Variants in ABCB5 observed in about 807,000 individuals in gnomAD.
The protein encoded by ABCB5 is ATP-binding cassette sub-family B member 5.
A neutral mutation model predicts 144.2 loss-of-function variants in ABCB5; 155 were observed. The ratio of observed to expected loss-of-function variants is 1.08; its 90% CI spans 0.94 to 1.23. The LOEUF is 1.23. ABCB5 is among the 50% of genes most tolerant of loss of function. The pLI is 0.00. For missense variants in ABCB5, 1,830 were observed against 1,520.8 expected, an observed-to-expected ratio of 1.20 and a Z score of -3.38; for synonymous variants, 610 against 528.6, an observed-to-expected ratio of 1.15 and a Z score of -2.11.
chr7:20,636,491 A>C (rs1438876958), intron 5 of ABCB5, among the ~76,000 whole-genome samples: 1 of 152,010 alleles, frequency 6.6e-6, no homozygotes, highest in Non-Finnish European at 1.5e-5. Flanking sequence ...ATAATAAGAA[A>C]TTTATTACTG....
At chr7:20,738,776 A>G (rs188211888) in intron 23 of ABCB5, among the ~76,000 whole-genome samples, 16 of 150,398 alleles carry the variant, frequency 1.1e-4, no homozygotes, top group African/African-American at 3.8e-4. Flanking sequence ...CCCAAGCTCC[A>G]AAGTTCATTT....
At chr7:20,686,355 C>T (rs996001172) in intron 16 of ABCB5, among the ~76,000 whole-genome samples, 1 of 152,162 alleles carries the variant, frequency 6.6e-6, no homozygotes, top group Non-Finnish European at 1.5e-5. Context: ...TGCCTGAGCC[C>T]CACATCACCT....
intron 13 of ABCB5, among the ~76,000 whole-genome samples, chr7:20,652,058 G>GA (rs1784613217): frequency 6.6e-6 from 1 of 151,780 alleles, no homozygotes; most frequent in Non-Finnish European, 1.5e-5. Flanking sequence ...AATTGAAAAA[G>GA]AAAAAAATGA....
chr7:20,645,248 T>C (rs898449378), intron 7 of ABCB5, among the ~76,000 whole-genome samples: 9 of 152,224 alleles, frequency 5.9e-5, no homozygotes, highest in South Asian at 4.1e-4. Context: ...TGATCTACTA[T>C]AGGAATAATT....
chr7:20,753,830 T>C (rs1562594937), intron 27 of ABCB5, among the ~76,000 whole-genome samples: 1 of 152,238 alleles, frequency 6.6e-6, no homozygotes, highest in Non-Finnish European at 1.5e-5. Flanking sequence ...ATTTTATTAT[T>C]ATTCCAGTGA....
In ABCB5 at chr7:20,678,639, C is replaced by CA. The variant is rs556531321; in HGVS notation, c.1708-2857dup. 7.9e-3 allele frequency among the ~76,000 whole-genome samples: 793 copies of CA among 99,802 alleles called. 3 individuals carry two copies. The highest frequency in any genetic ancestry group is 0.027 in the African/African-American group (731 of 27,056). The allele number at this position is 99,802 out of a possible 152,430, so 65.5% of individuals were successfully genotyped here. A position where few individuals can be genotyped will look rare whatever the true frequency, so the allele number is the denominator to read the frequency against. On this transcript the variant is annotated intron_variant, in intron 14 of 27. Coordinates refer to ENST00000404938, the MANE Select transcript of ABCB5 (RefSeq NM_001163941.2). Reference sequence around the variant, plus strand: ...ACAAAAACAAAAACAAAAACAAAAACAAAAAAAAACACATTACCTCAAGAA... The same window carrying CA: ...ACAAAAACAAAAACAAAAACAAAAACAAAAAAAAAACACATTACCTCAAGAA...
intron 1 of ABCB5, among the ~76,000 whole-genome samples, chr7:20,620,485 A>G (rs1783785208): frequency 6.6e-6 from 1 of 152,148 alleles, no homozygotes; most frequent in Non-Finnish European, 1.5e-5. Context: ...AAAACAAAAT[A>G]TTTGCAAATC....
intron 23 of ABCB5, among the ~76,000 whole-genome samples, chr7:20,732,045 A>G (rs1273197518): frequency 6.6e-6 from 1 of 152,196 alleles, no homozygotes; most frequent in African/African-American, 2.4e-5. Context: ...AGTCCTTACC[A>G]TGACCTGAAA....
At chr7:20,627,227 T>A (rs1350194996) in intron 3 of ABCB5, among the ~76,000 whole-genome samples, 2 of 152,112 alleles carry the variant, frequency 1.3e-5, no homozygotes. Flanking sequence ...TGAAACAGCC[T>A]GCTTTTTCAA....
At chr7:20,628,613 T>TTGTGTG (rs3033483) in intron 3 of ABCB5, 75 bp from the exon 4 acceptor site, 34 of 1,357,862 alleles carry the variant, frequency 2.5e-5, no homozygotes, top group African/African-American at 1.9e-4. Flanking sequence ...CTGTAGGCTG[T>TTGTGTG]TGTGTGTGTG....
intron 2 of ABCB5, among the ~76,000 whole-genome samples, chr7:20,624,397 A>G (rs1783863694): frequency 6.6e-6 from 1 of 152,230 alleles, no homozygotes; most frequent in African/African-American, 2.4e-5. Flanking sequence ...ATAATACACT[A>G]CAGACCTCAT....
At chr7:20,717,131 A>G (rs1311079670) in intron 20 of ABCB5, among the ~76,000 whole-genome samples, 1 of 152,148 alleles carries the variant, frequency 6.6e-6, no homozygotes, top group Admixed American at 6.5e-5. Flanking sequence ...CCAAGAACTT[A>G]AGGTCCACAG....
chr7:20,666,033 G>T (rs190124451), intron 14 of ABCB5, among the ~76,000 whole-genome samples: 1 of 152,056 alleles, frequency 6.6e-6, no homozygotes, highest in Admixed American at 6.5e-5. Context: ...AGCCGGGCGT[G>T]GTGGCACATG....
chr7:20,737,608 C>T (rs73263696), intron 23 of ABCB5, among the ~76,000 whole-genome samples: 1,749 of 152,278 alleles, frequency 0.011, 29 homozygotes, highest in African/African-American at 0.04. Context: ...TTATTGATTT[C>T]AGAGAAGCCT....
intron 1 of ABCB5, among the ~76,000 whole-genome samples, chr7:20,618,771 T>TC (rs1477077638): frequency 1.6e-5 from 2 of 123,414 alleles, no homozygotes; most frequent in African/African-American, 3.3e-5. Flanking sequence ...TTTCTTTTTT[T>TC]TTTTTTTTTT....
rs1783098385 is a variant in ABCB5, at chr7:20,756,746, T to G, written c.*1122T>G. The G allele has an allele frequency of 6.6e-6, 1 of 152,244 alleles. No individual in the cohort carries two copies. The highest frequency in any genetic ancestry group is 1.5e-5 in the Non-Finnish European group (1 of 68,050). 9.4% of individuals were successfully genotyped at this position (152,244 alleles called of 1,614,324 possible). A position where few individuals can be genotyped will look rare whatever the true frequency, so the allele number is the denominator to read the frequency against. ...TAAATTTTATATATACTTTATCATA[T>G]ATAATGTGTGAATGATTTTAAAGTT... On this transcript the variant is annotated 3_prime_UTR_variant, in exon 28 of 28. Coordinates refer to ENST00000404938, the MANE Select transcript of ABCB5 (RefSeq NM_001163941.2).
At chr7:20,622,240 A>G (rs1375299749) in intron 1 of ABCB5, among the ~76,000 whole-genome samples, 1 of 152,144 alleles carries the variant, frequency 6.6e-6, no homozygotes, top group Non-Finnish European at 1.5e-5. Context: ...AATTTCTATA[A>G]AATGCAAATG....
intron 7 of ABCB5, among the ~76,000 whole-genome samples, chr7:20,645,276 T>A (rs1202071201): frequency 1.3e-5 from 2 of 152,228 alleles, no homozygotes; most frequent in Non-Finnish European, 2.9e-5. Flanking sequence ...GTAAGTGAAT[T>A]CAGAAAATAA....
Position 20,643,299 on chromosome 7 carries a change from T to G in ABCB5, c.430T>G (p.Phe144Val). The G allele has an allele frequency of 6.2e-7, 1 of 1,614,016 alleles. No homozygotes were observed. Among genetic ancestry groups the G allele is most frequent in the Non-Finnish European group, 8.5e-7 (1 of 1,179,898 alleles). ...RQTKRIRKQF[F>V]HSVLAQDIGW... ...GACCAAGAGGATTCGAAAACAGTTT[T>G]TTCATTCAGTTTTGGCACAGGACAT... Residue 144 changes from phenylalanine to valine, a missense_variant, in exon 6 of 28, where the codon TTT becomes GTT. Phe to Val is a conservative substitution (Grantham distance 50, BLOSUM62 -1). Coordinates refer to ENST00000404938, the MANE Select transcript of ABCB5 (RefSeq NM_001163941.2).
Sources: allele counts gnomAD v4.1 joint callset (sites outside exome capture counted in the v4.1 genomes callset), GRCh38; gene constraint gnomAD v4.1.1; transcripts MANE v1.5; gene names NCBI Gene and HGNC (gene_info 2026-07-23, HGNC 2026-07-21).